Variants in RNF216 observed in about 807,000 individuals in gnomAD.
RNF216 encodes the protein ring finger protein 216.
In RNF216, 72 loss-of-function variants were observed where a neutral mutation model predicts 110.8. The ratio of observed to expected loss-of-function variants is 0.65; its 90% CI spans 0.54 to 0.79. The LOEUF (loss-of-function observed/expected upper bound fraction) is 0.79, where lower values mean the gene tolerates loss of function less well. Ranked by LOEUF, RNF216 falls within the 30% of genes least tolerant of loss-of-function variation. The pLI is 0.00. For synonymous variants in RNF216, 495 were observed against 407.5 expected (o/e 1.21, Z -2.59); for missense variants, 1,342 against 1,141.2 (o/e 1.18, Z -2.54).
chr7:5,656,717 T>G (rs1788770114), intron 13 of RNF216, among the ~76,000 whole-genome samples: 1 of 152,250 alleles, frequency 6.6e-6, no homozygotes, highest in African/African-American at 2.4e-5. Flanking sequence ...GGTCTTCACT[T>G]TGCAATATAA....
At position 5,712,792 on chromosome 7, in the gene RNF216, G is replaced by C. The variant is rs1273656652; in HGVS notation, c.1905C>G (p.Pro635=). 6 of 1,614,054 alleles carry C rather than the reference G, an allele frequency of 3.7e-6. No homozygotes were observed. Among genetic ancestry groups the C allele is most frequent in the Non-Finnish European group, 5.1e-6 (6 of 1,179,998 alleles). The part of the protein sequence containing the change: ...FPTSELEKVL[P]QTILYKYYER... Reference sequence around the variant, plus strand: ...CATAGTACTTATACAGGATGGTCTGGGGGAGCACCTTCTCCAGCTCACTGG... The same window carrying C: ...CATAGTACTTATACAGGATGGTCTGCGGGAGCACCTTCTCCAGCTCACTGG... The change falls in exon 12 of 17, where the codon CCC becomes CCG. Residue 635 remains proline, a synonymous_variant. Transcript: ENST00000389902.
chr7:5,640,678 A>G (rs1257303480), intron 15 of RNF216, among the ~76,000 whole-genome samples: 1 of 152,070 alleles, frequency 6.6e-6, no homozygotes, highest in Non-Finnish European at 1.5e-5. Context: ...AGAATTGTTA[A>G]TATTAAACCA....
chr7:5,644,310 G>T lies in RNF216; in HGVS notation c.2160-2934C>A, dbSNP rs77858769. On this transcript the variant is annotated intron_variant, in intron 14 of 16. Transcript: ENST00000389902. ...TCTATTCCCACCTCAATGTATACTGGTGTCATTTTTTCTATATCTCTGTCA... is the reference window on the plus strand; with the variant it reads ...TCTATTCCCACCTCAATGTATACTGTTGTCATTTTTTCTATATCTCTGTCA... 1.8e-3 allele frequency among the ~76,000 whole-genome samples: 268 copies of T among 152,104 alleles called. 1 individual carries two copies. Among genetic ancestry groups the T allele is most frequent in the Middle Eastern group, 0.01 (3 of 294 alleles).
intron 13 of RNF216, among the ~76,000 whole-genome samples, chr7:5,659,156 C>T (rs983037225): frequency 4.6e-5 from 7 of 151,958 alleles, no homozygotes; most frequent in Non-Finnish European, 8.8e-5. Context: ...GAGGCAGAGG[C>T]GAGTTTAGTT....
intron 13 of RNF216, among the ~76,000 whole-genome samples, chr7:5,661,641 A>G (rs1789148739): frequency 6.6e-6 from 1 of 152,128 alleles, no homozygotes; most frequent in Non-Finnish European, 1.5e-5. Flanking sequence ...CGTCTCTACA[A>G]AAAATACAAA....
intron 13 of RNF216, among the ~76,000 whole-genome samples, chr7:5,705,764 G>A (rs905211764): frequency 3.3e-5 from 5 of 151,998 alleles, no homozygotes; most frequent in Admixed American, 6.5e-5. Flanking sequence ...AACATTAGCC[G>A]GGCGTGGTGG....
rs149806763 is a variant in RNF216 at position 5,775,525 on chromosome 7, C to T, written c.-70+6016G>A. On this transcript the variant is annotated intron_variant, in intron 1 of 16. Coordinates refer to ENST00000389902, the MANE Select transcript of RNF216 (RefSeq NM_207111.4). ...ACTTCTGCAACAGATTTGGGGGTCA[C>T]TAAAGACTTTCAAATTTAATGAGTT... 3.1e-3 allele frequency among the ~76,000 whole-genome samples: 479 copies of T among 152,182 alleles called. 2 individuals carry two copies. The highest frequency in any genetic ancestry group is 0.011 in the African/African-American group (462 of 41,512).
intron 13 of RNF216, 68 bp downstream of exon 13, chr7:5,711,693 T>G: frequency 1.6e-6 from 2 of 1,255,096 alleles, no homozygotes; most frequent in Non-Finnish European, 2.3e-6. Flanking sequence ...CAGCAGATAT[T>G]TGGGCCATGA....
intron 11 of RNF216, among the ~76,000 whole-genome samples, chr7:5,713,737 A>C (rs1792867068): frequency 6.6e-6 from 1 of 152,234 alleles, no homozygotes; most frequent in Non-Finnish European, 1.5e-5. Context: ...CACCAAAGAA[A>C]ACAAATGGAA....
intron 15 of RNF216, among the ~76,000 whole-genome samples, chr7:5,627,007 C>A (rs978310792): frequency 6.6e-6 from 1 of 152,186 alleles, no homozygotes; most frequent in Non-Finnish European, 1.5e-5. Flanking sequence ...AACAGGACTG[C>A]ACAACCACCA....
rs115994453 is a variant in RNF216 at position 5,703,479 on chromosome 7, G to A, written c.2061+8282C>T. ...AGCCATGCAGCTACTGTAGGAGGCT[G>A]CAGATGCCTGTTTTTTAACCAACAA... is the stretch of plus-strand genomic sequence containing the variant. On this transcript the variant is annotated intron_variant, in intron 13 of 16. Transcript: ENST00000389902. Among the ~76,000 whole-genome samples the A allele has an allele frequency of 3.6e-3, 551 of 152,358 alleles. 3 individuals are homozygous for A. The highest frequency in any genetic ancestry group is 0.012 in the African/African-American group (518 of 41,592).
intron 5 of RNF216, among the ~76,000 whole-genome samples, chr7:5,738,767 A>C (rs1208072557): frequency 1.3e-5 from 2 of 152,104 alleles, no homozygotes; most frequent in Non-Finnish European, 2.9e-5. Context: ...GAGTGGTTGC[A>C]GAACATTTTG....
chr7:5,658,881 G>A (rs569343283), intron 13 of RNF216, among the ~76,000 whole-genome samples: 4 of 152,168 alleles, frequency 2.6e-5, no homozygotes, highest in East Asian at 3.9e-4. Context: ...TACATCTGCC[G>A]CTCTCAATAC....
intron 14 of RNF216, among the ~76,000 whole-genome samples, chr7:5,642,683 T>C (rs1309906554): frequency 6.6e-6 from 1 of 152,106 alleles, no homozygotes; most frequent in African/African-American, 2.4e-5. Flanking sequence ...TTCACCATGT[T>C]GGCCAGGCTG....
chr7:5,694,169 A>C (rs911738925), intron 13 of RNF216, among the ~76,000 whole-genome samples: 6 of 152,254 alleles, frequency 3.9e-5, no homozygotes, highest in African/African-American at 1.4e-4. Flanking sequence ...AGGTCTTACT[A>C]AAAAGGGCAT....
intron 8 of RNF216, among the ~76,000 whole-genome samples, chr7:5,722,754 A>G (rs13229546): frequency 0.96 from 146,504 of 151,834 alleles, 70,710 homozygotes; most frequent in African/African-American, 0.98. Flanking sequence ...AGGCGCAGTG[A>G]CTCACGCCTG....
intron 13 of RNF216, among the ~76,000 whole-genome samples, chr7:5,663,403 A>AC (rs1562802496): frequency 6.6e-6 from 1 of 151,076 alleles, no homozygotes; most frequent in Non-Finnish European, 1.5e-5. Flanking sequence ...ACACGGTGAA[A>AC]CCCCCGTCTC....
At chr7:5,770,082 C>CA (rs1350184850) in intron 1 of RNF216, among the ~76,000 whole-genome samples, 1 of 141,112 alleles carries the variant, frequency 7.1e-6, no homozygotes, top group East Asian at 2.0e-4. Context: ...CGTGGTGGCT[C>CA]ACGCCTGTAG....
At chr7:5,746,900 G>C (rs929144017) in intron 3 of RNF216, among the ~76,000 whole-genome samples, 1 of 152,176 alleles carries the variant, frequency 6.6e-6, no homozygotes, top group Non-Finnish European at 1.5e-5. Context: ...CGGAGAGAAC[G>C]AGATTCTTAC....
Sources: allele counts gnomAD v4.1 joint callset (sites outside exome capture counted in the v4.1 genomes callset), GRCh38; gene constraint gnomAD v4.1.1; transcripts MANE v1.5; gene names NCBI Gene and HGNC (gene_info 2026-07-23, HGNC 2026-07-21).